ELMO1: variants seen among roughly 807,000 people sequenced by gnomAD.
The protein encoded by ELMO1 is engulfment and cell motility 1.
Under a neutral mutation model 98.9 loss-of-function variants are expected in ELMO1, and 26 were observed. The observed-to-expected ratio is 0.26, with a 90% CI of 0.19 to 0.36. The LOEUF is 0.36. Ranked by LOEUF, ELMO1 falls within the 10% of genes least tolerant of loss-of-function variation. The pLI is 1.00. For missense variants in ELMO1, 627 were observed against 935.2 expected, an observed-to-expected ratio of 0.67 and a Z score of 4.30; for synonymous variants, 346 against 346.0, an observed-to-expected ratio of 1.00 and a Z score of 0.00.
intron 1 of ELMO1, among the ~76,000 whole-genome samples, chr7:37,359,728 G>A (rs962939764): frequency 3.9e-5 from 6 of 152,160 alleles, no homozygotes; most frequent in African/African-American, 9.7e-5. Context: ...AACAGTGCCC[G>A]GCACCGAGTA....
At chr7:37,076,874 G>A (rs1353606409) in intron 15 of ELMO1, among the ~76,000 whole-genome samples, 1 of 152,248 alleles carries the variant, frequency 6.6e-6, no homozygotes, top group Non-Finnish European at 1.5e-5. Flanking sequence ...AATATCTGCT[G>A]AGCACAGGCT....
intron 1 of ELMO1, among the ~76,000 whole-genome samples, chr7:37,344,204 G>C (rs147094924): frequency 9.7e-4 from 147 of 151,474 alleles, no homozygotes; most frequent in African/African-American, 3.4e-3. Context: ...GCTAACTTTT[G>C]TATTTTTAGT....
intron 15 of ELMO1, among the ~76,000 whole-genome samples, chr7:37,092,451 TC>T (rs1208313920): frequency 1.5e-5 from 2 of 137,694 alleles, no homozygotes; most frequent in Admixed American, 8.4e-5. Context: ...CAATCTCAGC[TC>T]ACTGCAAGCT....
At chr7:37,409,273 G>C (rs1406888076) in intron 1 of ELMO1, among the ~76,000 whole-genome samples, 1 of 152,128 alleles carries the variant, frequency 6.6e-6, no homozygotes, top group East Asian at 1.9e-4. Context: ...TAATAATGAA[G>C]AGAGCTATCA....
intron 16 of ELMO1, among the ~76,000 whole-genome samples, chr7:36,968,927 T>C (rs888330202): frequency 1.3e-5 from 2 of 152,132 alleles, no homozygotes; most frequent in Non-Finnish European, 1.5e-5. Flanking sequence ...CTATATCCCA[T>C]AAGTTTTGGC....
At chr7:37,037,247 G>A (rs1373455141) in intron 15 of ELMO1, among the ~76,000 whole-genome samples, 3 of 152,194 alleles carry the variant, frequency 2.0e-5, no homozygotes, top group Non-Finnish European at 2.9e-5. Context: ...TTCCTCAAGT[G>A]AGTATGTTCA....
intron 15 of ELMO1, among the ~76,000 whole-genome samples, chr7:37,092,365 TC>T (rs1784146537): frequency 1.4e-5 from 2 of 138,634 alleles, no homozygotes; most frequent in Admixed American, 7.1e-5. Context: ...TTACCCATAT[TC>T]TTTTTTTTTT....
chr7:37,150,014 A>G (rs1584722601), intron 13 of ELMO1, among the ~76,000 whole-genome samples: 1 of 152,142 alleles, frequency 6.6e-6, no homozygotes, highest in South Asian at 2.1e-4. Context: ...GAAGGTCCCC[A>G]TTCCCCTGCC....
At chr7:36,955,217 TA>T (rs1178413513) in intron 16 of ELMO1, among the ~76,000 whole-genome samples, 2 of 152,146 alleles carry the variant, frequency 1.3e-5, no homozygotes, top group East Asian at 3.9e-4. Context: ...CACCAGGAAA[TA>T]AACCCTCCTC....
rs576817837 is a variant in ELMO1 at position 37,355,869 on chromosome 7, AC to A, written c.-73-13107del. Among the ~76,000 whole-genome samples the A allele has an allele frequency of 2.2e-3, 330 of 152,344 alleles. 1 individual carries two copies. The highest frequency in any genetic ancestry group is 7.5e-3 in the African/African-American group (311 of 41,594). ...AGAAGGCTCACAGGGGAGCTTCTGC[AC>A]AGAGGGGGATCTGCCCCACTATTAC... On this transcript the variant is annotated intron_variant, in intron 1 of 21. Coordinates refer to ENST00000310758, the MANE Select transcript of ELMO1 (RefSeq NM_014800.11).
At chr7:37,241,138 T>C (rs1478536883) in intron 7 of ELMO1, among the ~76,000 whole-genome samples, 1 of 152,074 alleles carries the variant, frequency 6.6e-6, no homozygotes, top group African/African-American at 2.4e-5. Flanking sequence ...AACTTTATTA[T>C]ACACATGTAT....
At chr7:36,897,614 G>C (rs74731596) in intron 16 of ELMO1, among the ~76,000 whole-genome samples, 1 of 152,236 alleles carries the variant, frequency 6.6e-6, no homozygotes, top group Admixed American at 6.5e-5. Context: ...AATTCAACAA[G>C]TGACTTTTAA....
intron 5 of ELMO1, chr7:37,269,421 G>T (rs535595094): frequency 6.7e-6 from 1 of 150,322 alleles, no homozygotes; most frequent in African/African-American, 2.4e-5. Flanking sequence ...TTTGTAGCTG[G>T]GCTCCTATCT....
chr7:37,449,313 C>T (rs2131610603), upstream of ELMO1: 1 of 150,298 alleles, frequency 6.7e-6, no homozygotes, highest in South Asian at 2.1e-4. Flanking sequence ...TTTTCACATC[C>T]TTTTTTAATT....
At chr7:36,958,613 GA>G (rs1216430531) in intron 16 of ELMO1, among the ~76,000 whole-genome samples, 2 of 152,166 alleles carry the variant, frequency 1.3e-5, no homozygotes, top group African/African-American at 4.8e-5. Context: ...GGTCAAATCT[GA>G]TCACTTGCCA....
At chr7:37,239,789 T>C (rs1794663558) in intron 7 of ELMO1, among the ~76,000 whole-genome samples, 2 of 152,186 alleles carry the variant, frequency 1.3e-5, no homozygotes, top group African/African-American at 4.8e-5. Flanking sequence ...CCATAATGGG[T>C]AGAAATGACC....
chr7:37,139,913 A>C (rs993285821), intron 13 of ELMO1, among the ~76,000 whole-genome samples: 2 of 152,196 alleles, frequency 1.3e-5, no homozygotes, highest in Non-Finnish European at 2.9e-5. Flanking sequence ...AATAGAGCCA[A>C]ATACTTACAG....
chr7:37,187,746 A>G (rs1791304139), intron 13 of ELMO1, among the ~76,000 whole-genome samples: 1 of 152,190 alleles, frequency 6.6e-6, no homozygotes, highest in Non-Finnish European at 1.5e-5. Context: ...GAAATGTGAT[A>G]ATTTGACTAT....
intron 14 of ELMO1, among the ~76,000 whole-genome samples, chr7:37,107,120 G>T (rs1158816520): frequency 1.3e-5 from 2 of 152,130 alleles, no homozygotes; most frequent in East Asian, 1.9e-4. Context: ...AGCAATTATT[G>T]CTGAGCAACT....
Sources: gnomAD v4.1 joint callset for allele counts (sites outside exome capture counted in the v4.1 genomes callset) on GRCh38, gnomAD v4.1.1 for gene constraint, MANE v1.5 for transcripts, NCBI Gene and HGNC (gene_info 2026-07-23, HGNC 2026-07-21) for gene names.